The following PLCD4 variants were observed in gnomAD, a reference collection of about 807,000 sequenced individuals.
PLCD4 encodes 1-phosphatidylinositol 4,5-bisphosphate phosphodiesterase delta-4.
In PLCD4, 63 loss-of-function variants were observed where a neutral mutation model predicts 90.2. The observed-to-expected ratio is 0.70, with a 90% confidence interval of 0.57 to 0.86. The LOEUF (loss-of-function observed/expected upper bound fraction) is 0.86. PLCD4 is among the 40% of genes least tolerant of loss of function. The pLI is 0.00. For synonymous variants in PLCD4, 294 were observed against 356.5 expected (o/e 0.82, Z 1.97); for missense variants, 830 against 956.3 (o/e 0.87, Z 1.74).
intron 1 of PLCD4, 26 bp from the exon 2 acceptor site, chr2:218,615,681 C>G (rs1286422977): frequency 6.5e-7 from 1 of 1,532,020 alleles, no homozygotes; most frequent in East Asian, 2.3e-5. Context: ...TCACCCAGAG[C>G]CCTTTGCTCT....
At chr2:218,630,405 C>G (rs1696309802) in intron 8 of PLCD4, among the ~76,000 whole-genome samples, 1 of 152,160 alleles carries the variant, frequency 6.6e-6, no homozygotes, top group South Asian at 2.1e-4. Context: ...CTGGGTCAGA[C>G]TTGGCACAGG....
At chr2:218,618,177 C>G (rs1043678993) in intron 3 of PLCD4, among the ~76,000 whole-genome samples, 1 of 152,248 alleles carries the variant, frequency 6.6e-6, no homozygotes, top group African/African-American at 2.4e-5. Context: ...CTGCTTCTGC[C>G]TTTCAAATGT....
chr2:218,621,429 C>A, intron 4 of PLCD4, 41 bp from the exon 5 acceptor site: 1 of 1,602,562 alleles, frequency 6.2e-7, no homozygotes. Context: ...ACTGCACACA[C>A]AAACAGATAC....
At chr2:218,617,775 G>T (rs1267865034) in intron 3 of PLCD4, among the ~76,000 whole-genome samples, 2 of 151,926 alleles carry the variant, frequency 1.3e-5, no homozygotes, top group African/African-American at 4.8e-5. Flanking sequence ...TAGACATCTG[G>T]AAAGAGGAAG....
intron 7 of PLCD4, 188 bp from the exon 8 acceptor site, chr2:218,629,331 G>A (rs1320097647): frequency 6.6e-6 from 4 of 610,384 alleles, no homozygotes; most frequent in East Asian, 5.6e-5. Flanking sequence ...CTGAAGTATG[G>A]GTAGAGATCA....
At chr2:218,626,458 G>A (rs1020637821) in intron 6 of PLCD4, among the ~76,000 whole-genome samples, 2 of 152,198 alleles carry the variant, frequency 1.3e-5, no homozygotes, top group Admixed American at 6.5e-5. Context: ...ACACCTGGCG[G>A]CCTGGGTTCA....
At chr2:218,618,064 G>A (rs988985348) in intron 3 of PLCD4, among the ~76,000 whole-genome samples, 5 of 151,782 alleles carry the variant, frequency 3.3e-5, no homozygotes, top group African/African-American at 1.2e-4. Context: ...TCCAGCCTGG[G>A]CAACAGAGCG....
chr2:218,622,396 T>G (rs866419764), intron 5 of PLCD4: 7 of 317,026 alleles, frequency 2.2e-5, no homozygotes, highest in Non-Finnish European at 4.0e-5. Flanking sequence ...CCGTGGGAGT[T>G]TTATGGAAGC....
intron 5 of PLCD4, 62 bp from the exon 6 acceptor site, chr2:218,622,585 A>T: frequency 7.9e-7 from 1 of 1,273,870 alleles, no homozygotes; most frequent in Non-Finnish European, 1.1e-6. Flanking sequence ...AATTTTTTTA[A>T]TTAAAAAGAT....
chr2:218,621,398 G>A, intron 4 of PLCD4, 72 bp from the exon 5 acceptor site: 1 of 1,562,496 alleles, frequency 6.4e-7, no homozygotes, highest in South Asian at 1.2e-5. Flanking sequence ...AGAGATGTCA[G>A]TGGACGAAGG....
chr2:218,623,448 G>A (rs1053333849), intron 6 of PLCD4, among the ~76,000 whole-genome samples: 4 of 152,152 alleles, frequency 2.6e-5, no homozygotes, highest in Non-Finnish European at 5.9e-5. Context: ...TGAAATATAC[G>A]CTCTTGTTCT....
intron 3 of PLCD4, among the ~76,000 whole-genome samples, chr2:218,618,336 T>C (rs1195816063): frequency 6.6e-6 from 1 of 152,226 alleles, no homozygotes; most frequent in African/African-American, 2.4e-5. Context: ...GGAAGCCATG[T>C]CTTGCCACTT....
Position 218,636,631 on chromosome 2 carries a change from T to C in PLCD4, c.*54T>C. The C allele has an allele frequency of 1.3e-6, 2 of 1,539,512 alleles. No individual in the cohort carries two copies. Among genetic ancestry groups the C allele is most frequent in the Non-Finnish European group, 1.8e-6 (2 of 1,119,806 alleles). On this transcript the variant is annotated 3_prime_UTR_variant, in exon 16 of 16. Coordinates refer to ENST00000450993, the MANE Select transcript of PLCD4 (RefSeq NM_032726.4). ...TGCTGGCTTTAGACGGGGAGAAACA[T>C]CTGGAAGGATGCTCGAGAGAACAAA...
chr2:218,622,770 C>T lies in PLCD4; in HGVS notation c.664C>T (p.Leu222=). 6.2e-7 allele frequency: 1 copy of T among 1,613,972 alleles called. No homozygotes were observed. Among genetic ancestry groups the T allele is most frequent in the Non-Finnish European group, 8.5e-7 (1 of 1,179,890 alleles). The part of the protein sequence containing the change: ...FESFSADGQK[L]TLLEFLDFLQ... Reference sequence around the variant, plus strand: ...AAGTTTTTCAGCTGATGGGCAGAAGCTGACTCTGCTGGAATTTTTGGATTT... The same window carrying T: ...AAGTTTTTCAGCTGATGGGCAGAAGTTGACTCTGCTGGAATTTTTGGATTT... The change falls in exon 6 of 16, where the codon CTG becomes TTG. Residue 222 remains leucine (L), a synonymous_variant. Transcript: ENST00000450993.
chr2:218,610,802 A>G (rs557748871), intron 1 of PLCD4, among the ~76,000 whole-genome samples: 5 of 151,814 alleles, frequency 3.3e-5, no homozygotes, highest in African/African-American at 9.7e-5. Flanking sequence ...ATCTCGGCTC[A>G]CTGCAGCCTC....
rs774161107 is a variant in PLCD4, at chr2:218,628,103, C to G, written c.847C>G (p.Pro283Ala). Residue 283 changes from proline (P) to alanine (A), a missense_variant, in exon 7 of 16, where the codon CCA becomes GCA. Transcript: ENST00000450993. ...CTCTAAGGATGGAGACATCTTCAAC[C>G]CAGCCTGCCTCCCCATCTATCAGGA... ...LCSKDGDIFN[P>A]ACLPIYQDMT... The G allele has an allele frequency of 1.2e-6, 2 of 1,613,998 alleles. No individual in the cohort carries two copies. The highest frequency in any genetic ancestry group is 2.2e-5 in the South Asian group (2 of 91,088).
chr2:218,636,237 A>G lies in PLCD4; in HGVS notation c.2033-6A>G. 1 of 1,613,456 alleles carries G rather than the reference A, an allele frequency of 6.2e-7. No individual in the cohort carries two copies. Among genetic ancestry groups the G allele is most frequent in the Non-Finnish European group, 8.5e-7 (1 of 1,179,382 alleles). ...TCTTCTTATTTCTTTCTGTCCACCA[A>G]CTCAGGTTTTAATCCATACTGGGGG... On this transcript the variant is annotated splice_polypyrimidine_tract_variant and splice_region_variant and intron_variant, in intron 14 of 15. Coordinates refer to ENST00000450993, the MANE Select transcript of PLCD4 (RefSeq NM_032726.4).
Position 218,633,641 on chromosome 2 carries a change from C to CTGGTTATCTACTTGAAGTCTGTCTCA in PLCD4, c.1488_1513dup (p.Phe505TrpfsTer5). On this transcript the variant is annotated frameshift_variant, in exon 11 of 16. Coordinates refer to ENST00000450993, the MANE Select transcript of PLCD4 (RefSeq NM_032726.4). LOFTEE classifies it high-confidence loss of function. ...CATCTTGTGTCCAGCCCTCTCTTCC[C>CTGGTTATCTACTTGAAGTCTGTCTCA]TGGTTATCTACTTGAAGTCTGTCTC... The CTGGTTATCTACTTGAAGTCTGTCTCA allele has an allele frequency of 6.2e-7, 1 of 1,613,654 alleles. No homozygotes were observed. The highest frequency in any genetic ancestry group is 8.5e-7 in the Non-Finnish European group (1 of 1,179,594).
At position 218,618,586 on chromosome 2, in the gene PLCD4, C is replaced by A. The variant is rs949300440; in HGVS notation, c.189C>A (p.Ile63=). The part of the protein sequence containing the change: ...ARGSAKPSFS[I]SDVETIRNGH... The stretch of plus-strand genomic sequence containing the variant: ...CTGTTTCTTCTCTGGCAGTCTCAAT[C>A]TCTGATGTGGAGACAATACGTAATG... Residue 63 remains isoleucine, a synonymous_variant, in exon 4 of 16, where the codon ATC becomes ATA. Transcript: ENST00000450993. The A allele has an allele frequency of 8.1e-6, 13 of 1,613,708 alleles. No homozygotes were observed. The Admixed American group carries it at 2.2e-4, about 27-fold the overall frequency.
Sources: gnomAD v4.1 joint callset for allele counts (sites outside exome capture counted in the v4.1 genomes callset) on GRCh38, gnomAD v4.1.1 for gene constraint, MANE v1.5 for transcripts, NCBI Gene and HGNC (gene_info 2026-07-23, HGNC 2026-07-21) for gene names.